ACTL9: variants seen among roughly 807,000 people sequenced by gnomAD.
ACTL9 encodes actin-like protein 9.
ACTL9 carries 1 observed loss-of-function variant against 0.9 expected under a neutral mutation model. That is an observed-to-expected ratio of 1.10 (90% CI 0.39 to 5.23). ACTL9 has a LOEUF of 5.23. Ranked by LOEUF, ACTL9 falls within the 30% of genes most tolerant of loss-of-function variation. ACTL9 has a pLI of 0.16. For synonymous variants in ACTL9, 283 were observed against 269.5 expected, an observed-to-expected ratio of 1.05 and a Z score of -0.49; for missense variants, 597 against 566.8, an observed-to-expected ratio of 1.05 and a Z score of -0.54.
Position 8,698,429 on chromosome 19 carries a change from C to T in ACTL9, c.273G>A (p.Gln91=). 1 of 1,523,176 alleles carries T rather than the reference C, an allele frequency of 6.6e-7. No homozygotes were observed. Among genetic ancestry groups the T allele is most frequent in the Non-Finnish European group, 8.8e-7 (1 of 1,134,328 alleles). The allele number at this position is 1,523,176 out of a possible 1,614,324, so 94.4% of individuals were successfully genotyped here. The change falls in exon 1 of 1, where the codon CAG becomes CAA. Residue 91 remains glutamine, a synonymous_variant. Coordinates refer to ENST00000324436, the MANE Select transcript of ACTL9 (RefSeq NM_178525.5). ...CGCCGATGAACGTCTGCAGCCCGGA[C>T]TGCCCCGAGGTGGCGGGTTTCTTGG... The part of the protein sequence containing the change: ...CQPKKPATSG[Q]SGLQTFIGEA...
rs782193952 is a variant in ACTL9, at chr19:8,698,655, T to C, written c.47A>G (p.Glu16Gly). 18 of 1,565,020 alleles carry C rather than the reference T, an allele frequency of 1.2e-5. No homozygotes were observed. The East Asian group carries it at 3.7e-4, about 32-fold the overall frequency. Residue 16 changes from glutamate to glycine, a missense_variant, in exon 1 of 1, where the codon GAG becomes GGG. Coordinates refer to ENST00000324436, the MANE Select transcript of ACTL9 (RefSeq NM_178525.5). ...PKSSESQSSL[E>G]APRPGPNPSP... ...GGGGTTTGGGCCGGGCCTGGGGGCC[T>C]CCAGGGAGGACTGGGATTCCGAGGA...
In ACTL9 at chr19:8,698,039, C is replaced by T; in HGVS notation, c.663G>A (p.Leu221=). 6.2e-7 allele frequency: 1 copy of T among 1,601,728 alleles called. No individual in the cohort carries two copies. The highest frequency in any genetic ancestry group is 8.5e-7 in the Non-Finnish European group (1 of 1,179,846). The change falls in exon 1 of 1, where the codon CTG becomes CTA. Residue 221 remains leucine (L), a synonymous_variant. Transcript: ENST00000324436. ...GYNLLHATER[L]DLAGNNLTAF... ...CGGTCAGGTTGTTGCCCGCCAGGTC[C>T]AGACGCTCCGTGGCGTGGAGCAGGT...
rs1357618893 is a variant in ACTL9, at chr19:8,697,905, T to TC, written c.796_797insG (p.Gln266ArgfsTer164). ...CTGCTCCGGCCGGGCCTGCTCCTTC[T>TC]GGAAGTCGGAGGCCACGTAGCAATA... On this transcript the variant is annotated frameshift_variant, in exon 1 of 1. Coordinates refer to ENST00000324436, the MANE Select transcript of ACTL9 (RefSeq NM_178525.5). LOFTEE classifies it low-confidence loss of function (END_TRUNC). The surrounding 1 kb of genome is among the most constrained non-coding windows in gnomAD (Gnocchi z 4.3). The TC allele has an allele frequency of 6.2e-7, 1 of 1,613,474 alleles. No individual in the cohort carries two copies. Among genetic ancestry groups the TC allele is most frequent in the Non-Finnish European group, 8.5e-7 (1 of 1,179,998 alleles).
In ACTL9 at chr19:8,697,706, C is replaced by A. The variant is rs1369590050; in HGVS notation, c.996G>T (p.Ala332=). Residue 332 remains alanine (A), a synonymous_variant, in exon 1 of 1, where the codon GCG becomes GCT. Coordinates refer to ENST00000324436, the MANE Select transcript of ACTL9 (RefSeq NM_178525.5). This position sits in a 1 kb window ranked among gnomAD's most constrained non-coding sequence, Gnocchi z 4.3. ...AGAGAAGCACGTTTTGGGCCAAGTC[C>A]GCGCGCATCTCCAGTGACAACTTGC... ...SLRKLSLEMR[A]DLAQNVLLCG... is the part of the protein sequence containing the mutation. 6.8e-6 allele frequency: 11 copies of A among 1,613,030 alleles called. No individual in the cohort carries two copies. The highest frequency in any genetic ancestry group is 9.3e-6 in the Non-Finnish European group (11 of 1,179,982).
In ACTL9 at chr19:8,697,960, G is replaced by T. The variant is rs2043207966; in HGVS notation, c.742C>A (p.Leu248Met). 1.9e-6 allele frequency: 3 copies of T among 1,612,236 alleles called. No individual in the cohort carries two copies. In the Admixed American group the frequency reaches 5.0e-5, roughly 27 times the overall value. ...QAGLPLGQQD[L>M]DLVENIKHHY... The stretch of plus-strand genomic sequence containing the variant: ...TGCTTAATGTTCTCCACTAGGTCCA[G>T]GTCCTGCTGTCCCAGGGGCAGGCCG... The change falls in exon 1 of 1, where the codon CTG becomes ATG. Residue 248 changes from leucine (L) to methionine (M), a missense_variant. Leu to Met is a conservative substitution (Grantham distance 15). Transcript: ENST00000324436. This position sits in a 1 kb window ranked among gnomAD's most constrained non-coding sequence, Gnocchi z 4.3.
rs541716039 is a variant in ACTL9, at chr19:8,697,791, G to T, written c.911C>A (p.Pro304His). 225 of 1,613,176 alleles carry T rather than the reference G, an allele frequency of 1.4e-4. 2 individuals are homozygous for T. The South Asian group carries it at 2.4e-3, about 17-fold the overall frequency. Reference protein sequence around the residue: ...LFQCPELLFNPPEVPGLSPVG... With the variant: ...LFQCPELLFNHPEVPGLSPVG... Reference sequence around the variant, plus strand: ...GGGTGACAGCCCCGGGACCTCTGGGGGGTTGAACAGCAGCTCCGGACACTG... The same window carrying T: ...GGGTGACAGCCCCGGGACCTCTGGGTGGTTGAACAGCAGCTCCGGACACTG... Residue 304 changes from proline (P) to histidine (H), a missense_variant, in exon 1 of 1, where the codon CCC (proline) becomes CAC (histidine). By Grantham distance (77) the Pro-to-His change is moderately conservative. Transcript: ENST00000324436. The surrounding 1 kb of genome is among the most constrained non-coding windows in gnomAD (Gnocchi z 4.3).
At position 8,697,433 on chromosome 19, in the gene ACTL9, TC is replaced by T; in HGVS notation, c.*17del. On this transcript the variant is annotated 3_prime_UTR_variant, in exon 1 of 1. Coordinates refer to ENST00000324436, the MANE Select transcript of ACTL9 (RefSeq NM_178525.5). This position sits in a 1 kb window ranked among gnomAD's most constrained non-coding sequence, Gnocchi z 4.3. ...CAGAGGCTTTACTGCCCCCACGCCC[TC>T]CCCAGCTCTGCCCTGGTCAGTAGCA... 6.5e-7 allele frequency: 1 copy of T among 1,549,642 alleles called. No individual in the cohort carries two copies. The highest frequency in any genetic ancestry group is 8.7e-7 in the Non-Finnish European group (1 of 1,149,506).
chr19:8,698,627 A>T lies in ACTL9; in HGVS notation c.75T>A (p.Ser25Arg). The T allele has an allele frequency of 1.9e-6, 3 of 1,603,110 alleles. No individual in the cohort carries two copies. The highest frequency in any genetic ancestry group is 2.6e-6 in the Non-Finnish European group (3 of 1,172,144). The change falls in exon 1 of 1, where the codon AGT becomes AGA. Residue 25 changes from serine to arginine, a missense_variant. Coordinates refer to ENST00000324436, the MANE Select transcript of ACTL9 (RefSeq NM_178525.5). ...LEAPRPGPNP[S>R]PNVVNKPLQR... ...GCAGGGGCTTGTTCACCACGTTGGG[A>T]CTGGGGTTTGGGCCGGGCCTGGGGG...
At position 8,697,763 on chromosome 19, in the gene ACTL9, G is replaced by T; in HGVS notation, c.939C>A (p.Val313=). The T allele has an allele frequency of 1.2e-6, 2 of 1,613,144 alleles. No individual in the cohort carries two copies. The part of the protein sequence containing the change: ...NPPEVPGLSP[V]GLSTMAKQSL... ...TCTGCTTGGCCATGGTGGAGAGGCC[G>T]ACGGGTGACAGCCCCGGGACCTCTG... Residue 313 remains valine, a synonymous_variant, in exon 1 of 1, where the codon GTC becomes GTA. Coordinates refer to ENST00000324436, the MANE Select transcript of ACTL9 (RefSeq NM_178525.5). This position sits in a 1 kb window ranked among gnomAD's most constrained non-coding sequence, Gnocchi z 4.3.
rs367730982 is a variant in ACTL9, at chr19:8,697,555, C to G, written c.1147G>C (p.Gly383Arg). 7.6e-5 allele frequency: 123 copies of G among 1,613,584 alleles called. No homozygotes were observed. The highest frequency in any genetic ancestry group is 1.0e-4 in the Non-Finnish European group (120 of 1,179,922). The change falls in exon 1 of 1, where the codon GGG becomes CGG. Residue 383 changes from glycine (G) to arginine (R), a missense_variant. Physicochemically the swap from Gly to Arg is moderately radical, Grantham distance 125 (BLOSUM62 -2). Coordinates refer to ENST00000324436, the MANE Select transcript of ACTL9 (RefSeq NM_178525.5). This position sits in a 1 kb window ranked among gnomAD's most constrained non-coding sequence, Gnocchi z 4.3. ...QPTRNFSVWIGGSILASLRAF... is the reference protein window; with the variant it reads ...QPTRNFSVWIRGSILASLRAF... ...CGCAGGGAGGCCAGGATGGAGCCCC[C>G]GATCCATACGGAGAAATTCCTGGTG...
At position 8,698,149 on chromosome 19, in the gene ACTL9, C is replaced by T; in HGVS notation, c.553G>A (p.Val185Ile). The change falls in exon 1 of 1, where the codon GTC (valine) becomes ATC (isoleucine). Residue 185 changes from valine to isoleucine, a missense_variant. By Grantham distance (29) the Val-to-Ile change is conservative. Coordinates refer to ENST00000324436, the MANE Select transcript of ACTL9 (RefSeq NM_178525.5). ...CCGCTGACACGACCGTGGGCGTAGA[C>T]AGACAGCACCGACTGCGATGCCACG... The part of the protein sequence containing the change: ...MYVASQSVLS[V>I]YAHGRVSGLV... 1.9e-6 allele frequency: 3 copies of T among 1,608,166 alleles called. No individual in the cohort carries two copies. The highest frequency in any genetic ancestry group is 2.5e-6 in the Non-Finnish European group (3 of 1,179,952).
Position 8,697,942 on chromosome 19 carries a change from T to A in ACTL9, c.760A>T (p.Ile254Phe), listed in dbSNP as rs1363579136. 1 of 1,613,446 alleles carries A rather than the reference T, an allele frequency of 6.2e-7. No individual in the cohort carries two copies. Among genetic ancestry groups the A allele is most frequent in the East Asian group, 2.2e-5 (1 of 44,868 alleles). Residue 254 changes from isoleucine to phenylalanine, a missense_variant, in exon 1 of 1, where the codon ATT (isoleucine) becomes TTT (phenylalanine). Transcript: ENST00000324436. The surrounding 1 kb of genome is among the most constrained non-coding windows in gnomAD (Gnocchi z 4.3). ...GQQDLDLVEN[I>F]KHHYCYVASD... ...GCCACGTAGCAATAGTGGTGCTTAATGTTCTCCACTAGGTCCAGGTCCTGC... is the reference window on the plus strand; with the variant it reads ...GCCACGTAGCAATAGTGGTGCTTAAAGTTCTCCACTAGGTCCAGGTCCTGC...
rs1555753389 is a variant in ACTL9 at position 8,698,090 on chromosome 19, G to T, written c.612C>A (p.Tyr204Ter). ...LVVDTGHGVT[Y>*]TVPVFQGYNL... ...TGTAGCCCTGGAAGACGGGCACTGT[G>T]TAGGTGACCCCGTGTCCCGTGTCCA... The change falls in exon 1 of 1, where the codon TAC (tyrosine) becomes TAA (stop). Residue 204 changes from tyrosine (Y) to a stop codon, truncating the protein, a stop_gained. Transcript: ENST00000324436. LOFTEE classifies it low-confidence loss of function (END_TRUNC). The T allele has an allele frequency of 6.2e-7, 1 of 1,602,674 alleles. No homozygotes were observed. The highest frequency in any genetic ancestry group is 1.1e-5 in the South Asian group (1 of 91,082).
Position 8,698,380 on chromosome 19 carries a change from G to A in ACTL9, c.322C>T (p.Leu108=), listed in dbSNP as rs1408428872. The change falls in exon 1 of 1, where the codon CTG becomes TTG. Residue 108 remains leucine, a synonymous_variant. Coordinates refer to ENST00000324436, the MANE Select transcript of ACTL9 (RefSeq NM_178525.5). ...CTGCGCAGGGGTTGCACCAGCGTCA[G>A]CTCTGGGAGCACGCGGGCTGCCTCG... ...IGEAARVLPE[L]TLVQPLRSGI... 6.6e-7 allele frequency: 1 copy of A among 1,516,000 alleles called. No homozygotes were observed. Among genetic ancestry groups the A allele is most frequent in the Non-Finnish European group, 8.8e-7 (1 of 1,131,330 alleles). The allele number at this position is 1,516,000 out of a possible 1,614,324, so 93.9% of individuals were successfully genotyped here.
At position 8,697,983 on chromosome 19, in the gene ACTL9, C is replaced by T. The variant is rs1205644681; in HGVS notation, c.719G>A (p.Gly240Asp). The T allele has an allele frequency of 6.2e-7, 1 of 1,607,830 alleles. No homozygotes were observed. Among genetic ancestry groups the T allele is most frequent in the Non-Finnish European group, 8.5e-7 (1 of 1,179,920 alleles). The change falls in exon 1 of 1, where the codon GGC becomes GAC. Residue 240 changes from glycine to aspartate, a missense_variant. Transcript: ENST00000324436. The surrounding 1 kb of genome is among the most constrained non-coding windows in gnomAD (Gnocchi z 4.3). The part of the protein sequence containing the change: ...AFLAEMLLQA[G>D]LPLGQQDLDL... ...CAGGTCCTGCTGTCCCAGGGGCAGG[C>T]CGGCCTGGAGCAGCATCTCCGCCAG...
At position 8,698,641 on chromosome 19, in the gene ACTL9, C is replaced by CG; in HGVS notation, c.60dup (p.Gly21ArgfsTer35). 1.9e-6 allele frequency: 3 copies of CG among 1,589,082 alleles called. No homozygotes were observed. Among genetic ancestry groups the CG allele is most frequent in the Non-Finnish European group, 2.6e-6 (3 of 1,162,424 alleles). On this transcript the variant is annotated frameshift_variant, in exon 1 of 1. Transcript: ENST00000324436. LOFTEE classifies it low-confidence loss of function (END_TRUNC). ...ACCACGTTGGGACTGGGGTTTGGGC[C>CG]GGGCCTGGGGGCCTCCAGGGAGGAC...
chr19:8,698,264 C>A lies in ACTL9; in HGVS notation c.438G>T (p.Leu146=). The change falls in exon 1 of 1, where the codon CTG becomes CTT. Residue 146 remains leucine (L), a synonymous_variant. Transcript: ENST00000324436. ...DLRVATHDHP[L]LFSDPPFSPA... ...GGCTGAAGGGTGGGTCGGAGAACAG[C>A]AGCGGGTGGTCGTGGGTGGCCACTC... The A allele has an allele frequency of 6.4e-7, 1 of 1,557,278 alleles. No homozygotes were observed. The highest frequency in any genetic ancestry group is 8.7e-7 in the Non-Finnish European group (1 of 1,149,168).
chr19:8,697,873 T>G lies in ACTL9; in HGVS notation c.829A>C (p.Lys277Gln), dbSNP rs1209541121. 46 of 1,613,292 alleles carry G rather than the reference T, an allele frequency of 2.9e-5. No individual in the cohort carries two copies. Among genetic ancestry groups the G allele is most frequent in the Non-Finnish European group, 3.8e-5 (45 of 1,179,936 alleles). ...KEQARPEQEY[K>Q]RTLKLPDGRT... ...CCATCGGGCAGCTTCAGAGTCCGCTTGTACTCCTGCTCCGGCCGGGCCTGC... is the reference window on the plus strand; with the variant it reads ...CCATCGGGCAGCTTCAGAGTCCGCTGGTACTCCTGCTCCGGCCGGGCCTGC... The change falls in exon 1 of 1, where the codon AAG becomes CAG. Residue 277 changes from lysine to glutamine, a missense_variant. Transcript: ENST00000324436. This position sits in a 1 kb window ranked among gnomAD's most constrained non-coding sequence, Gnocchi z 4.3.
chr19:8,698,768 G>A lies in ACTL9; in HGVS notation c.-67C>T. 1 of 1,393,194 alleles carries A rather than the reference G, an allele frequency of 7.2e-7. No individual in the cohort carries two copies. Among genetic ancestry groups the A allele is most frequent in the East Asian group, 2.6e-5 (1 of 37,938 alleles). The allele number at this position is 1,393,194 out of a possible 1,614,324, so 86.3% of individuals were successfully genotyped here. A position where few individuals can be genotyped will look rare whatever the true frequency, so the allele number is the denominator to read the frequency against. ...GGGGTTGCGGGGAGAAGAGGTTGAG[G>A]CCCGGCCAGTGGGGAGGGCAGGCAG... On this transcript the variant is annotated 5_prime_UTR_variant, in exon 1 of 1. Coordinates refer to ENST00000324436, the MANE Select transcript of ACTL9 (RefSeq NM_178525.5).
Sources: gnomAD v4.1 joint callset for allele counts on GRCh38, gnomAD v4.1.1 for gene constraint, Gnocchi (gnomAD v3.1) non-coding constraint, MANE v1.5 for transcripts, NCBI Gene and HGNC (gene_info 2026-07-23, HGNC 2026-07-21) for gene names.